Variants in AKIRIN1 observed in about 807,000 individuals in gnomAD.
AKIRIN1 encodes the protein akirin 1, also known as akirin-1.
Under a neutral mutation model 25.9 loss-of-function variants are expected in AKIRIN1, and 4 were observed. The observed-to-expected ratio is 0.15, with a 90% CI of 0.08 to 0.35. AKIRIN1 has a LOEUF of 0.35. AKIRIN1 is among the 10% of genes least tolerant of loss of function. The pLI is 1.00. For missense variants in AKIRIN1, 243 were observed against 266.1 expected, an observed-to-expected ratio of 0.91 and a Z score of 0.61; for synonymous variants, 125 against 105.1, an observed-to-expected ratio of 1.19 and a Z score of -1.16.
At chr1:38,992,239 C>T (rs951778186) in intron 1 of AKIRIN1, among the ~76,000 whole-genome samples, 16 of 152,278 alleles carry the variant, frequency 1.1e-4, no homozygotes, top group African/African-American at 3.6e-4. Context: ...GAGAATCCTA[C>T]GACATACGGA....
intron 3 of AKIRIN1, among the ~76,000 whole-genome samples, chr1:39,001,545 C>T (rs1242563670): frequency 2.6e-5 from 4 of 151,974 alleles, no homozygotes; most frequent in Admixed American, 1.3e-4. Flanking sequence ...GGATTACAGG[C>T]GTGAGCCACC....
chr1:38,991,702 A>AC, intron 1 of AKIRIN1, 102 bp downstream of exon 1: 1 of 1,163,444 alleles, frequency 8.6e-7, no homozygotes, highest in Non-Finnish European at 1.1e-6. Flanking sequence ...TTACCCAGGG[A>AC]CCCCTTCTTT....
intron 2 of AKIRIN1, among the ~76,000 whole-genome samples, chr1:39,000,345 C>CTTTTTTTTTTTTTTTT (rs3078308): frequency 1.6e-5 from 2 of 128,314 alleles, no homozygotes; most frequent in Non-Finnish European, 1.6e-5. Context: ...TTTTCTTTTT[C>CTTTTTTTTTTTTTTTT]TTTTTTTTTT....
chr1:38,994,961 A>G (rs916848174), intron 1 of AKIRIN1, among the ~76,000 whole-genome samples: 1 of 151,986 alleles, frequency 6.6e-6, no homozygotes, highest in Non-Finnish European at 1.5e-5. Flanking sequence ...AAGTGCTGGG[A>G]TTACAGGCAT....
Position 39,004,205 on chromosome 1 carries a change from A to AGAC in AKIRIN1, c.*151_*153dup. 1.1e-6 allele frequency: 1 copy of AGAC among 872,666 alleles called. No homozygotes were observed. The highest frequency in any genetic ancestry group is 1.4e-5 in the South Asian group (1 of 73,510). 54.1% of individuals were successfully genotyped at this position (872,666 alleles called of 1,614,324 possible). A position where few individuals can be genotyped will look rare whatever the true frequency, so the allele number is the denominator to read the frequency against. On this transcript the variant is annotated 3_prime_UTR_variant, in exon 5 of 5. Transcript: ENST00000432648. ...GCAGGTCCATTTTATACAACTTGAAAGACCGTAAAACTTTCTGGTTGCCAC... is the reference window on the plus strand; with the variant it reads ...GCAGGTCCATTTTATACAACTTGAAAGACGACCGTAAAACTTTCTGGTTGCCAC...
At position 39,003,564 on chromosome 1, in the gene AKIRIN1, T is replaced by TA. The variant is rs1644010801; in HGVS notation, c.568+147dup. ...AGAGTATTAAATCCACACCAAAGCT[T>TA]ATATAAGCCTCACAGTGACCCTATG... On this transcript the variant is annotated intron_variant, in intron 4 of 4. Transcript: ENST00000432648. 1.3e-5 allele frequency: 9 copies of TA among 705,782 alleles called. No individual in the cohort carries two copies. The East Asian group carries it at 2.2e-4, about 17-fold the overall frequency. 43.7% of individuals were successfully genotyped at this position (705,782 alleles called of 1,614,324 possible).
chr1:38,999,241 T>C (rs539875462), intron 2 of AKIRIN1, among the ~76,000 whole-genome samples: 233 of 152,344 alleles, frequency 1.5e-3, no homozygotes, highest in African/African-American at 5.1e-3. Context: ...TTAACAGTTC[T>C]AAAGGTTAAA....
intron 2 of AKIRIN1, 48 bp from the exon 3 acceptor site, chr1:39,000,924 G>A: frequency 6.4e-7 from 1 of 1,573,258 alleles, no homozygotes; most frequent in Non-Finnish European, 8.6e-7. Flanking sequence ...TGGGATTATA[G>A]GTGTGAACCA....
At chr1:38,992,374 A>C (rs1039273069) in intron 1 of AKIRIN1, among the ~76,000 whole-genome samples, 2 of 152,132 alleles carry the variant, frequency 1.3e-5, no homozygotes, top group African/African-American at 4.8e-5. Flanking sequence ...AGTAGAGGGG[A>C]GGGTGCTTCA....
chr1:38,995,974 C>T (rs879427612), intron 1 of AKIRIN1, among the ~76,000 whole-genome samples: 2 of 152,068 alleles, frequency 1.3e-5, no homozygotes, highest in Admixed American at 1.3e-4. Flanking sequence ...GTAGAGGTTG[C>T]AGTGAACTGA....
Position 39,001,006 on chromosome 1 carries a change from T to G in AKIRIN1, c.396T>G (p.Phe132Leu). ...GGATGAAGAAGGACCAGCCCACATTTACCCTCCGACAAGTTGGCATAATAT... is the reference window on the plus strand; with the variant it reads ...GGATGAAGAAGGACCAGCCCACATTGACCCTCCGACAAGTTGGCATAATAT... Reference protein sequence around the residue: ...SSWMKKDQPTFTLRQVGIICE... With the variant: ...SSWMKKDQPTLTLRQVGIICE... The change falls in exon 3 of 5, where the codon TTT becomes TTG. Residue 132 changes from phenylalanine to leucine, a missense_variant. Phe to Leu is a conservative substitution (Grantham distance 22). Transcript: ENST00000432648. 1 of 1,613,558 alleles carries G rather than the reference T, an allele frequency of 6.2e-7. No individual in the cohort carries two copies. Among genetic ancestry groups the G allele is most frequent in the South Asian group, 1.1e-5 (1 of 90,974 alleles).
chr1:38,991,667 G>A, intron 1 of AKIRIN1, 67 bp downstream of exon 1: 1 of 892,402 alleles, frequency 1.1e-6, no homozygotes, highest in Non-Finnish European at 1.5e-6. Context: ...GGGTGGTGGG[G>A]GAGGGTTGGG....
In AKIRIN1 at chr1:39,001,104, C is replaced by G. The variant is rs758150148; in HGVS notation, c.494C>G (p.Ala165Gly). The change falls in exon 3 of 5, where the codon GCA becomes GGA. Residue 165 changes from alanine to glycine, a missense_variant and splice_region_variant. Transcript: ENST00000432648. ...GAGCAAATCCTCAATACCAAACTAG[C>G]AGGTAGGCCCAGGCAGTGACTGCCA... ...EYEQILNTKLAEQYESFVKFT... is the reference protein window; with the variant it reads ...EYEQILNTKLGEQYESFVKFT... 2 of 1,608,940 alleles carry G rather than the reference C, an allele frequency of 1.2e-6. No individual in the cohort carries two copies. The highest frequency in any genetic ancestry group is 1.7e-6 in the Non-Finnish European group (2 of 1,177,908).
Position 38,993,647 on chromosome 1 carries a change from A to G in AKIRIN1, c.220+2047A>G, listed in dbSNP as rs558628761. ...ACTCCATCTCAAAAAAAAAAAAAAA[A>G]GAGAATGTGGGCAAGGCGTGGTGGC... On this transcript the variant is annotated intron_variant, in intron 1 of 4. Coordinates refer to ENST00000432648, the MANE Select transcript of AKIRIN1 (RefSeq NM_024595.3). Among the ~76,000 whole-genome samples the G allele has an allele frequency of 6.4e-3, 921 of 144,356 alleles. 16 individuals are homozygous for G. The highest frequency in any genetic ancestry group is 0.021 in the African/African-American group (868 of 40,408). 94.7% of individuals were successfully genotyped at this position (144,356 alleles called of 152,430 possible).
Position 38,998,324 on chromosome 1 carries a change from T to C in AKIRIN1, c.361+13T>C, listed in dbSNP as rs754345451. The C allele has an allele frequency of 3.1e-6, 5 of 1,588,418 alleles. No homozygotes were observed. The South Asian group carries it at 4.6e-5, about 15-fold the overall frequency. Reference sequence around the variant, plus strand: ...CCTAGCTCTCCAGGTAAGCCCACTTTGATCTGCAAAATTCGCATTAAGAGT... The same window carrying C: ...CCTAGCTCTCCAGGTAAGCCCACTTCGATCTGCAAAATTCGCATTAAGAGT... On this transcript the variant is annotated intron_variant, in intron 2 of 4. Coordinates refer to ENST00000432648, the MANE Select transcript of AKIRIN1 (RefSeq NM_024595.3).
At chr1:39,001,156 A>AT in intron 3 of AKIRIN1, 50 bp downstream of exon 3, 4 of 1,552,456 alleles carry the variant, frequency 2.6e-6, no homozygotes, top group Non-Finnish European at 3.5e-6. Context: ...TCAGTTAAAA[A>AT]TTAACACCAG....
chr1:38,997,572 C>G (rs1176189558), intron 1 of AKIRIN1, among the ~76,000 whole-genome samples: 1 of 151,894 alleles, frequency 6.6e-6, no homozygotes, highest in African/African-American at 2.4e-5. Flanking sequence ...CTGTGTTGTT[C>G]AGGCTAGTCT....
Position 39,004,310 on chromosome 1 carries a change from G to T in AKIRIN1, c.*255G>T. 1.5e-6 allele frequency: 1 copy of T among 648,344 alleles called. No homozygotes were observed. Among genetic ancestry groups the T allele is most frequent in the Non-Finnish European group, 2.8e-6 (1 of 356,072 alleles). The allele number at this position is 648,344 out of a possible 1,614,324, so 40.2% of individuals were successfully genotyped here. On this transcript the variant is annotated 3_prime_UTR_variant, in exon 5 of 5. Coordinates refer to ENST00000432648, the MANE Select transcript of AKIRIN1 (RefSeq NM_024595.3). Reference sequence around the variant, plus strand: ...GATTTTCCAAACAAAAATACCTGGAGCAGCAGTTTAGCAAAATATGCCTTC... The same window carrying T: ...GATTTTCCAAACAAAAATACCTGGATCAGCAGTTTAGCAAAATATGCCTTC...
rs1644014860 is a variant in AKIRIN1, at chr1:39,004,064, C to T, written c.*9C>T. The T allele has an allele frequency of 6.2e-7, 1 of 1,611,192 alleles. No homozygotes were observed. Among genetic ancestry groups the T allele is most frequent in the Admixed American group, 1.7e-5 (1 of 60,008 alleles). The stretch of plus-strand genomic sequence containing the variant: ...TTACAGATGTGTCATGAAGCTTTGT[C>T]ACATATCTGGGTACCAGGTTTGACC... On this transcript the variant is annotated 3_prime_UTR_variant, in exon 5 of 5. Transcript: ENST00000432648.
Sources: allele counts gnomAD v4.1 joint callset (sites outside exome capture counted in the v4.1 genomes callset), GRCh38; gene constraint gnomAD v4.1.1; transcripts MANE v1.5; gene names NCBI Gene and HGNC (gene_info 2026-07-23, HGNC 2026-07-21).